GJC1: variants seen among roughly 807,000 people sequenced by gnomAD.
GJC1 encodes the protein gap junction gamma-1 protein.
In GJC1, 5 loss-of-function variants were observed where a neutral mutation model predicts 29.3. The ratio of observed to expected loss-of-function variants is 0.17; its 90% CI spans 0.09 to 0.36. The LOEUF is 0.36. Ranked by LOEUF, GJC1 falls within the 10% of genes least tolerant of loss-of-function variation. GJC1 has a pLI of 1.00. For synonymous variants in GJC1, 177 were observed against 183.3 expected (o/e 0.97, Z 0.28); for missense variants, 310 against 496.2 (o/e 0.62, Z 3.56).
intron 1 of GJC1, among the ~76,000 whole-genome samples, chr17:44,823,051 C>T (rs985517605): frequency 6.6e-6 from 1 of 152,036 alleles, no homozygotes; most frequent in African/African-American, 2.4e-5. Flanking sequence ...TGTTATAACT[C>T]ATTAGTTAAG....
chr17:44,812,340 C>G (rs1250625921), intron 1 of GJC1, among the ~76,000 whole-genome samples: 1 of 151,944 alleles, frequency 6.6e-6, no homozygotes, highest in Admixed American at 6.6e-5. Flanking sequence ...CAAATCAAAA[C>G]AAAACAAAAC....
In GJC1 at chr17:44,802,063, A is replaced by G. The variant is rs2049854469; in HGVS notation, c.*2564T>C. The stretch of plus-strand genomic sequence containing the variant: ...TAGCAAGAGAATAAAAATAGATTTT[A>G]AAAGTGTGTGCATGTGGGGAGGTGA... On this transcript the variant is annotated 3_prime_UTR_variant, in exon 3 of 3. Coordinates refer to ENST00000592524, the MANE Select transcript of GJC1 (RefSeq NM_005497.4). 1 of 152,228 alleles carries G rather than the reference A, an allele frequency of 6.6e-6. No homozygotes were observed. The highest frequency in any genetic ancestry group is 6.5e-5 in the Admixed American group (1 of 15,268). 9.4% of individuals were successfully genotyped at this position (152,228 alleles called of 1,614,324 possible). A position where few individuals can be genotyped will look rare whatever the true frequency, so the allele number is the denominator to read the frequency against.
At chr17:44,820,205 G>A (rs759699536) in intron 1 of GJC1, among the ~76,000 whole-genome samples, 5 of 151,760 alleles carry the variant, frequency 3.3e-5, no homozygotes, top group African/African-American at 4.8e-5. Flanking sequence ...CAGGTTATCC[G>A]TCTGCCTCAG....
chr17:44,825,712 T>A (rs1597762438), intron 1 of GJC1, among the ~76,000 whole-genome samples: 1 of 150,642 alleles, frequency 6.6e-6, no homozygotes, highest in African/African-American at 2.4e-5. Context: ...GAGACGGAGG[T>A]TGCAGTGAGC....
intron 1 of GJC1, among the ~76,000 whole-genome samples, chr17:44,828,943 T>C (rs1228276286): frequency 1.3e-5 from 2 of 151,888 alleles, no homozygotes; most frequent in Admixed American, 6.6e-5. Flanking sequence ...ATCAGGAAAT[T>C]AAAATCCCTT....
intron 1 of GJC1, among the ~76,000 whole-genome samples, chr17:44,819,977 C>G (rs1475985179): frequency 1.3e-5 from 2 of 152,104 alleles, no homozygotes; most frequent in African/African-American, 2.4e-5. Context: ...CCTGCCTCAG[C>G]CTCCCAAGTA....
Position 44,812,361 on chromosome 17 carries a change from T to G in GJC1, c.-96-4892A>C, listed in dbSNP as rs557126020. Among the ~76,000 whole-genome samples the G allele has an allele frequency of 2.0e-5, 3 of 152,172 alleles. No individual in the cohort carries two copies. The South Asian group carries it at 6.2e-4, about 31-fold the overall frequency. ...AAAACAAAACAAAACAAAAAACCCA[T>G]AACATTAAAACCCATTTATGCCTAT... On this transcript the variant is annotated intron_variant, in intron 1 of 2. Coordinates refer to ENST00000592524, the MANE Select transcript of GJC1 (RefSeq NM_005497.4).
At chr17:44,819,328 T>A (rs957276438) in intron 1 of GJC1, among the ~76,000 whole-genome samples, 1 of 152,154 alleles carries the variant, frequency 6.6e-6, no homozygotes, top group Admixed American at 6.6e-5. Context: ...CAGCATAATG[T>A]GTTCAAGGTT....
In GJC1 at chr17:44,804,991, T is replaced by G; in HGVS notation, c.827A>C (p.Asn276Thr). 6.2e-7 allele frequency: 1 copy of G among 1,614,064 alleles called. No individual in the cohort carries two copies. Among genetic ancestry groups the G allele is most frequent in the Non-Finnish European group, 8.5e-7 (1 of 1,179,998 alleles). ...TGGTGTATTCCAAGTGAAAGGATAA[T>G]TATAAGCACCCGGATCCTCAAGTTC... is the stretch of plus-strand genomic sequence containing the variant. The part of the protein sequence containing the change: ...RRELEDPGAY[N>T]YPFTWNTPSA... Residue 276 changes from asparagine (N) to threonine (T), a missense_variant, in exon 3 of 3, where the codon AAT becomes ACT. Coordinates refer to ENST00000592524, the MANE Select transcript of GJC1 (RefSeq NM_005497.4).
intron 1 of GJC1, among the ~76,000 whole-genome samples, chr17:44,813,616 CT>C (rs2050009920): frequency 6.6e-6 from 1 of 151,082 alleles, no homozygotes; most frequent in Admixed American, 6.7e-5. Context: ...CCTTAGCATC[CT>C]GAGTAGCTGG....
intron 1 of GJC1, among the ~76,000 whole-genome samples, chr17:44,818,667 C>T (rs548058249): frequency 4.6e-5 from 7 of 151,720 alleles, no homozygotes; most frequent in Non-Finnish European, 8.8e-5. Flanking sequence ...CAGGCCTGGG[C>T]TACTGTAATC....
chr17:44,795,358 C>T (rs1266796642), downstream of GJC1, among the ~76,000 whole-genome samples: 1 of 148,120 alleles, frequency 6.8e-6, no homozygotes, highest in African/African-American at 2.5e-5. Flanking sequence ...CTCAGCCTCC[C>T]GAGTAGCTGG....
Position 44,805,915 on chromosome 17 carries a change from AG to A in GJC1, c.-20-79del, listed in dbSNP as rs2049907842. 1.5e-6 allele frequency: 1 copy of A among 684,416 alleles called. No homozygotes were observed. Among genetic ancestry groups the A allele is most frequent in the African/African-American group, 1.8e-5 (1 of 55,396 alleles). The allele number at this position is 684,416 out of a possible 1,614,324, so 42.4% of individuals were successfully genotyped here. On this transcript the variant is annotated intron_variant, in intron 2 of 2. Coordinates refer to ENST00000592524, the MANE Select transcript of GJC1 (RefSeq NM_005497.4). This position sits in a 1 kb window ranked among gnomAD's most constrained non-coding sequence, Gnocchi z 5.1. ...TTTAATTACTAATTATGATATCTCT[AG>A]GAACTACTGCTTTGAATACTTGAAA... is the stretch of plus-strand genomic sequence containing the variant.
At chr17:44,808,732 A>C (rs963829302) in intron 1 of GJC1, among the ~76,000 whole-genome samples, 1 of 152,272 alleles carries the variant, frequency 6.6e-6, no homozygotes, top group Admixed American at 6.5e-5. Context: ...ACTGCACTCC[A>C]GCCTAGGTGA....
At position 44,804,700 on chromosome 17, in the gene GJC1, C is replaced by A; in HGVS notation, c.1118G>T (p.Gly373Val). 2 of 1,614,142 alleles carry A rather than the reference C, an allele frequency of 1.2e-6. No homozygotes were observed. Among genetic ancestry groups the A allele is most frequent in the South Asian group, 1.1e-5 (1 of 91,082 alleles). Residue 373 changes from glycine to valine, a missense_variant, in exon 3 of 3, where the codon GGG (glycine) becomes GTG (valine). By Grantham distance (109) the Gly-to-Val change is moderately radical. This residue lies in a region of GJC1 where 146 missense variants were observed against 165.0 expected (regional missense o/e 0.88). Transcript: ENST00000592524. ...HGPREKKAKV[G>V]SKAGSNKSTA... ...GCTTTTGTTGGACCCAGCTTTGGACCCCACTTTGGCCTTCTTCTCCCGGGG... is the reference window on the plus strand; with the variant it reads ...GCTTTTGTTGGACCCAGCTTTGGACACCACTTTGGCCTTCTTCTCCCGGGG...
At position 44,805,094 on chromosome 17, in the gene GJC1, A is replaced by C. The variant is rs773389987; in HGVS notation, c.724T>G (p.Cys242Gly). The change falls in exon 3 of 3, where the codon TGC (cysteine) becomes GGC (glycine). Residue 242 changes from cysteine to glycine, a missense_variant. Cys to Gly is a radical substitution (Grantham distance 159). Around this residue, in one of 4 missense-constraint regions of GJC1, gnomAD observed 45 missense variants for 126.2 expected, o/e 0.36. Transcript: ENST00000592524. The surrounding 1 kb of genome is among the most constrained non-coding windows in gnomAD (Gnocchi z 5.1). ...LLIMYGVTGL[C>G]LLLNIWEMLH... ...ATCTCCCAAATGTTAAGCAAGAGGC[A>C]AAGGCCTGTAACACCATACATTATC... The C allele has an allele frequency of 6.2e-6, 10 of 1,614,046 alleles. No individual in the cohort carries two copies. The highest frequency in any genetic ancestry group is 1.3e-5 in the African/African-American group (1 of 74,936).
chr17:44,811,326 C>T (rs985205463), intron 1 of GJC1, among the ~76,000 whole-genome samples: 14 of 151,978 alleles, frequency 9.2e-5, no homozygotes, highest in Admixed American at 2.0e-4. Context: ...AGGTGATCCA[C>T]CCACCTCGGC....
chr17:44,816,624 G>C (rs2050046610), intron 1 of GJC1, among the ~76,000 whole-genome samples: 1 of 152,038 alleles, frequency 6.6e-6, no homozygotes, highest in African/African-American at 2.4e-5. Flanking sequence ...GCCTCAGTCA[G>C]CTTCTCGAGT....
upstream of GJC1, chr17:44,830,582 C>T (rs1352071478): frequency 1.3e-5 from 5 of 398,526 alleles, no homozygotes; most frequent in Non-Finnish European, 2.2e-5. The surrounding 1 kb of genome is among the most constrained non-coding windows in gnomAD (Gnocchi z 4.3). Flanking sequence ...GAGTCCCCCG[C>T]CAGCCGCGCC....
Sources: gnomAD v4.1 joint callset for allele counts (sites outside exome capture counted in the v4.1 genomes callset) on GRCh38, gnomAD v4.1.1 for gene constraint, gnomAD v4.1.1 regional missense constraint, Gnocchi (gnomAD v3.1) non-coding constraint, MANE v1.5 for transcripts, NCBI Gene and HGNC (gene_info 2026-07-23, HGNC 2026-07-21) for gene names.